LIN28B: variants seen among roughly 807,000 people sequenced by gnomAD.
LIN28B encodes protein lin-28 homolog B.
In LIN28B, 5 loss-of-function variants were observed where a neutral mutation model predicts 21.9. The ratio of observed to expected loss-of-function variants is 0.23; its 90% CI spans 0.12 to 0.48. The LOEUF (loss-of-function observed/expected upper bound fraction) is 0.48, where lower values mean the gene tolerates loss of function less well. Among genes scored for constraint, LIN28B ranks in the 20% least tolerant of loss-of-function variants. LIN28B has a pLI of 0.98. For missense variants in LIN28B, 245 were observed against 310.5 expected (o/e 0.79, Z 1.58); for synonymous variants, 109 against 111.3 (o/e 0.98, Z 0.13).
At chr6:104,958,721 C>T (rs1292896009) in intron 2 of LIN28B, among the ~76,000 whole-genome samples, 3 of 152,250 alleles carry the variant, frequency 2.0e-5, no homozygotes, top group Non-Finnish European at 4.4e-5. Context: ...TTTTAGACAC[C>T]TCTAGTCACA....
chr6:104,977,002 C>T (rs1487684433), intron 2 of LIN28B, among the ~76,000 whole-genome samples: 4 of 152,058 alleles, frequency 2.6e-5, no homozygotes, highest in Non-Finnish European at 4.4e-5. Flanking sequence ...TATTTAAGCT[C>T]TTCATGATCT....
At chr6:105,030,023 C>T (rs1771386861) in intron 3 of LIN28B, among the ~76,000 whole-genome samples, 1 of 152,098 alleles carries the variant, frequency 6.6e-6, no homozygotes, top group South Asian at 2.1e-4. Context: ...TGTTCCAACT[C>T]CTTACTCTTA....
intron 3 of LIN28B, among the ~76,000 whole-genome samples, chr6:105,076,754 C>T (rs1202594577): frequency 6.6e-6 from 1 of 151,654 alleles, no homozygotes; most frequent in Non-Finnish European, 1.5e-5. Context: ...TACAAGCGCG[C>T]GCCATCATGC....
At chr6:105,034,603 C>T (rs1397925308) in intron 3 of LIN28B, among the ~76,000 whole-genome samples, 1 of 151,974 alleles carries the variant, frequency 6.6e-6, no homozygotes, top group South Asian at 2.1e-4. Context: ...ATTTAACATT[C>T]CTTGTAGTCA....
At chr6:105,053,111 T>C (rs1006316186) in intron 3 of LIN28B, among the ~76,000 whole-genome samples, 6 of 152,196 alleles carry the variant, frequency 3.9e-5, no homozygotes, top group South Asian at 2.1e-4. Flanking sequence ...ATCTAAGTGT[T>C]ATTTAAAAAT....
intron 2 of LIN28B, among the ~76,000 whole-genome samples, chr6:105,010,684 G>A (rs1037030429): frequency 2.6e-5 from 4 of 152,138 alleles, no homozygotes; most frequent in African/African-American, 7.2e-5. Context: ...AAATTTTCCA[G>A]CATGCATATC....
intron 2 of LIN28B, among the ~76,000 whole-genome samples, chr6:105,010,092 A>C (rs1416093354): frequency 6.6e-6 from 1 of 152,142 alleles, no homozygotes; most frequent in African/African-American, 2.4e-5. Flanking sequence ...TGCCATTCTT[A>C]CTGAATACTT....
chr6:105,068,558 A>C (rs970587289), intron 3 of LIN28B, among the ~76,000 whole-genome samples: 1 of 152,208 alleles, frequency 6.6e-6, no homozygotes, highest in African/African-American at 2.4e-5. Context: ...ATGAGACCAC[A>C]GGCTGATCCC....
In LIN28B at chr6:104,957,120, G is replaced by A. The variant is rs1778300754; in HGVS notation, c.-131G>A. On this transcript the variant is annotated 5_prime_UTR_variant, in exon 1 of 4. Coordinates refer to ENST00000345080, the MANE Select transcript of LIN28B (RefSeq NM_001004317.4). ...AGAGAAAAAAATCAAAAGAAGGAAA[G>A]CACATTAGACCATGCGAGCTAAATT... The A allele has an allele frequency of 3.1e-6, 5 of 1,593,514 alleles. No individual in the cohort carries two copies. In the South Asian group the frequency reaches 4.5e-5, roughly 14 times the overall value.
intron 2 of LIN28B, among the ~76,000 whole-genome samples, chr6:104,947,397 T>C (rs541201593): frequency 6.6e-6 from 1 of 152,356 alleles, no homozygotes; most frequent in African/African-American, 2.4e-5. Context: ...GTGCTGGGAT[T>C]ACAGGCATGA....
intron 3 of LIN28B, among the ~76,000 whole-genome samples, chr6:105,052,758 G>A (rs184653491): frequency 5.8e-4 from 88 of 152,066 alleles, no homozygotes; most frequent in Admixed American, 3.6e-3. Context: ...TGCTGATAAT[G>A]GCTGTTGATT....
chr6:104,995,836 C>T (rs1770587321), intron 2 of LIN28B, among the ~76,000 whole-genome samples: 1 of 151,358 alleles, frequency 6.6e-6, no homozygotes, highest in South Asian at 2.1e-4. Flanking sequence ...ATAAACTAAA[C>T]TAAAAAAAAT....
At chr6:104,975,843 T>TC (rs1476793455) in intron 2 of LIN28B, among the ~76,000 whole-genome samples, 20 of 144,714 alleles carry the variant, frequency 1.4e-4, no homozygotes, top group Admixed American at 2.8e-4. Context: ...TTCTTCTTCT[T>TC]TTTTTTTTTT....
chr6:104,940,350 G>A (rs1778064892), intron 2 of LIN28B: 1 of 156,262 alleles, frequency 6.4e-6, no homozygotes. Context: ...CCTAGGGACC[G>A]CCATGTGAGC....
At chr6:105,004,113 G>C (rs1211562729) in intron 2 of LIN28B, among the ~76,000 whole-genome samples, 3 of 152,088 alleles carry the variant, frequency 2.0e-5, no homozygotes, top group African/African-American at 7.2e-5. Flanking sequence ...AGGCTGGGAG[G>C]CTAGGCCAGT....
At chr6:105,028,088 G>A (rs1365691950) in intron 3 of LIN28B, among the ~76,000 whole-genome samples, 1 of 152,120 alleles carries the variant, frequency 6.6e-6, no homozygotes, top group African/African-American at 2.4e-5. Context: ...GTAAAGCAAA[G>A]TAAAATAAAA....
At chr6:104,948,622 T>C (rs1778185366) in intron 2 of LIN28B, among the ~76,000 whole-genome samples, 1 of 152,232 alleles carries the variant, frequency 6.6e-6, no homozygotes, top group South Asian at 2.1e-4. Flanking sequence ...TTTAAAATTA[T>C]AAATATTTTA....
At chr6:104,953,867 C>T (rs556580544), upstream of LIN28B, among the ~76,000 whole-genome samples, 2 of 152,164 alleles carry the variant, frequency 1.3e-5, no homozygotes, top group Non-Finnish European at 2.9e-5. Context: ...TTAAGAAGAA[C>T]CGAAGCATTG....
At chr6:104,986,839 A>T (rs1770356079) in intron 2 of LIN28B, among the ~76,000 whole-genome samples, 2 of 152,244 alleles carry the variant, frequency 1.3e-5, no homozygotes, top group African/African-American at 4.8e-5. Context: ...CAACTCTAGG[A>T]CTAATTTTGC....
Sources: gnomAD v4.1 joint callset for allele counts (sites outside exome capture counted in the v4.1 genomes callset) on GRCh38, gnomAD v4.1.1 for gene constraint, MANE v1.5 for transcripts, NCBI Gene and HGNC (gene_info 2026-07-23, HGNC 2026-07-21) for gene names.